The following SUPT3H variants were observed in gnomAD, a reference collection of about 807,000 sequenced individuals.
SUPT3H encodes transcription initiation protein SPT3 homolog.
Under a neutral mutation model 44.3 loss-of-function variants are expected in SUPT3H, and 44 were observed. That is an observed-to-expected ratio of 0.99 (90% CI 0.78 to 1.28). The LOEUF (loss-of-function observed/expected upper bound fraction) is 1.28, where lower values mean the gene tolerates loss of function less well. Ranked by LOEUF, SUPT3H falls within the 50% of genes most tolerant of loss-of-function variation. The probability of loss-of-function intolerance (pLI) is 0.00; values close to 1 mark genes in which losing one functional copy is unlikely to be tolerated. For synonymous variants in SUPT3H, 124 were observed against 125.6 expected (o/e 0.99, Z 0.09); for missense variants, 380 against 387.1 (o/e 0.98, Z 0.15).
intron 2 of SUPT3H, among the ~76,000 whole-genome samples, chr6:45,233,459 C>A (rs1168799546): frequency 1.3e-5 from 2 of 152,188 alleles, no homozygotes; most frequent in African/African-American, 4.8e-5. Flanking sequence ...CTTTAAATGG[C>A]TACTCATGCT....
chr6:45,298,035 G>C (rs1402084397), intron 2 of SUPT3H, among the ~76,000 whole-genome samples: 2 of 152,184 alleles, frequency 1.3e-5, no homozygotes, highest in Non-Finnish European at 2.9e-5. Flanking sequence ...AATGCAATTT[G>C]ACAAAATCCA....
chr6:44,824,277 T>C (rs1767579312), downstream of SUPT3H, among the ~76,000 whole-genome samples: 1 of 152,190 alleles, frequency 6.6e-6, no homozygotes, highest in African/African-American at 2.4e-5. Context: ...GACTGGTATG[T>C]TTAGGTCAGG....
At chr6:44,895,433 A>G (rs534105746) in intron 10 of SUPT3H, among the ~76,000 whole-genome samples, 6 of 152,240 alleles carry the variant, frequency 3.9e-5, no homozygotes, top group Admixed American at 3.3e-4. Context: ...AGCTCTGAAG[A>G]TAATTATTAA....
chr6:44,902,159 A>G (rs983264886), intron 10 of SUPT3H, among the ~76,000 whole-genome samples: 2 of 152,358 alleles, frequency 1.3e-5, no homozygotes, highest in East Asian at 3.9e-4. Flanking sequence ...ACATGATGAA[A>G]TTCACACATA....
chr6:45,162,555 T>C (rs536752682), intron 2 of SUPT3H, among the ~76,000 whole-genome samples: 40 of 152,064 alleles, frequency 2.6e-4, no homozygotes, highest in Admixed American at 9.2e-4. Flanking sequence ...ATATACAAAT[T>C]AAAGATAATT....
chr6:45,108,043 A>G lies in SUPT3H; in HGVS notation c.102-2037T>C, dbSNP rs553780586. Among the ~76,000 whole-genome samples, 10 of 152,358 alleles carry G rather than the reference A, an allele frequency of 6.6e-5. 1 individual carries two copies. In the South Asian group the frequency reaches 2.1e-3, roughly 32 times the overall value. On this transcript the variant is annotated intron_variant, in intron 2 of 10. Coordinates refer to ENST00000371459, the MANE Select transcript of SUPT3H (RefSeq NM_003599.4). ...TCAATCTGATAAAGACCATATATGAAAAACTCACAGCTACTATCCAACTTA... is the reference window on the plus strand; with the variant it reads ...TCAATCTGATAAAGACCATATATGAGAAACTCACAGCTACTATCCAACTTA...
At chr6:45,355,992 C>A (rs1417046720) in intron 2 of SUPT3H, among the ~76,000 whole-genome samples, 1 of 152,066 alleles carries the variant, frequency 6.6e-6, no homozygotes, top group Non-Finnish European at 1.5e-5. Flanking sequence ...TAATAGAACT[C>A]TACTAGCCAT....
chr6:45,300,797 TG>T (rs1782023165), intron 2 of SUPT3H, among the ~76,000 whole-genome samples: 1 of 146,528 alleles, frequency 6.8e-6, no homozygotes, highest in South Asian at 2.2e-4. Flanking sequence ...CTGGGGAAAG[TG>T]GGGGTGGGTG....
At chr6:45,253,061 CA>C (rs1397682217) in intron 2 of SUPT3H, among the ~76,000 whole-genome samples, 1 of 149,760 alleles carries the variant, frequency 6.7e-6, no homozygotes, top group Non-Finnish European at 1.5e-5. Flanking sequence ...AGAAAAAAAA[CA>C]AAAAAAAGAC....
At chr6:45,305,452 A>G (rs1365857174) in intron 2 of SUPT3H, among the ~76,000 whole-genome samples, 1 of 152,232 alleles carries the variant, frequency 6.6e-6, no homozygotes, top group African/African-American at 2.4e-5. Flanking sequence ...GATTATTCTA[A>G]TAACATTTGA....
intron 3 of SUPT3H, among the ~76,000 whole-genome samples, chr6:45,093,845 G>GA (rs973342934): frequency 6.6e-6 from 1 of 151,890 alleles, no homozygotes; most frequent in Non-Finnish European, 1.5e-5. Context: ...GATTCACATA[G>GA]AAAAAAACCT....
At chr6:45,021,110 T>G (rs116486284) in intron 3 of SUPT3H, among the ~76,000 whole-genome samples, 3 of 151,750 alleles carry the variant, frequency 2.0e-5, no homozygotes, top group Admixed American at 6.6e-5. Flanking sequence ...GGAAAAAAAA[T>G]ACGTTTAGTT....
At chr6:45,270,454 C>T (rs947965952) in intron 2 of SUPT3H, among the ~76,000 whole-genome samples, 9 of 152,224 alleles carry the variant, frequency 5.9e-5, no homozygotes, top group African/African-American at 1.7e-4. Context: ...ATAAGTCTCA[C>T]GAGATCTGAC....
At chr6:44,967,506 T>C (rs1377548785) in intron 6 of SUPT3H, among the ~76,000 whole-genome samples, 1 of 152,260 alleles carries the variant, frequency 6.6e-6, no homozygotes, top group Non-Finnish European at 1.5e-5. Context: ...TAATGTGAAG[T>C]TGATTGTGCC....
intron 2 of SUPT3H, among the ~76,000 whole-genome samples, chr6:45,226,715 G>C (rs146045416): frequency 1.2e-4 from 18 of 152,218 alleles, no homozygotes; most frequent in African/African-American, 4.3e-4. Context: ...TATTTTAGTA[G>C]AGACGGGGTT....
chr6:45,024,782 C>A (rs1479860873), intron 3 of SUPT3H, among the ~76,000 whole-genome samples: 1 of 152,172 alleles, frequency 6.6e-6, no homozygotes, highest in Admixed American at 6.5e-5. Context: ...GACTGTCCTC[C>A]TTAATGTGGG....
chr6:45,209,756 A>G (rs1763785207), intron 2 of SUPT3H, among the ~76,000 whole-genome samples: 1 of 152,232 alleles, frequency 6.6e-6, no homozygotes, highest in Non-Finnish European at 1.5e-5. Flanking sequence ...TTTTGAGAGA[A>G]GTTCTGCTGT....
intron 2 of SUPT3H, among the ~76,000 whole-genome samples, chr6:45,242,471 T>C (rs1039763740): frequency 6.6e-6 from 1 of 152,296 alleles, no homozygotes; most frequent in African/African-American, 2.4e-5. Flanking sequence ...ATAGGGGAGC[T>C]TGAAGATGAA....
At chr6:45,220,714 CA>C (rs1000632212) in intron 2 of SUPT3H, among the ~76,000 whole-genome samples, 3 of 152,282 alleles carry the variant, frequency 2.0e-5, no homozygotes, top group African/African-American at 7.2e-5. Context: ...AAAAAAATAA[CA>C]GAGTGAACCC....
Sources: gnomAD v4.1 joint callset for allele counts (sites outside exome capture counted in the v4.1 genomes callset) on GRCh38, gnomAD v4.1.1 for gene constraint, MANE v1.5 for transcripts, NCBI Gene and HGNC (gene_info 2026-07-23, HGNC 2026-07-21) for gene names.